DCT: variants seen among roughly 807,000 people sequenced by gnomAD.
DCT encodes L-dopachrome tautomerase.
In DCT, 47 loss-of-function variants were observed where a neutral mutation model predicts 53.0. That is an observed-to-expected ratio of 0.89 (90% CI 0.70 to 1.13). The LOEUF is 1.13. Among genes scored for constraint, DCT ranks in the 50% most tolerant of loss-of-function variants. DCT has a pLI of 0.00. For missense variants in DCT, 669 were observed against 637.4 expected (o/e 1.05, Z -0.53); for synonymous variants, 244 against 237.0 (o/e 1.03, Z -0.27).
chr13:94,535,880 C>T, the DCT span, among the ~76,000 whole-genome samples: 51,719 of 151,938 alleles, frequency 0.34, 9,181 homozygotes, highest in East Asian at 0.61. Flanking sequence ...TTGTAAATGG[C>T]GTAGCCCCTC....
At chr13:94,451,206 A>G (rs1469034995) in intron 6 of DCT, among the ~76,000 whole-genome samples, 1 of 152,190 alleles carries the variant, frequency 6.6e-6, no homozygotes, top group African/African-American at 2.4e-5. Flanking sequence ...CTATTTAAAA[A>G]CTAGTATTGA....
the DCT span, among the ~76,000 whole-genome samples, chr13:94,527,940 G>A: frequency 3.3e-5 from 5 of 152,260 alleles, no homozygotes; most frequent in South Asian, 2.1e-4. Context: ...AGAGAAGACC[G>A]TAAATGACCT....
intron 4 of DCT, among the ~76,000 whole-genome samples, chr13:94,464,968 T>C (rs1358890555): frequency 6.6e-6 from 1 of 152,140 alleles, no homozygotes; most frequent in African/African-American, 2.4e-5. Flanking sequence ...TCACACATGA[T>C]GTTCCTCCAT....
At chr13:94,503,180 C>T in the DCT span, among the ~76,000 whole-genome samples, 1 of 152,008 alleles carries the variant, frequency 6.6e-6, no homozygotes, top group East Asian at 1.9e-4. Flanking sequence ...GAGTTCAACG[C>T]CAGCCTGGGA....
At chr13:94,445,152 G>A (rs1273295215) in intron 6 of DCT, among the ~76,000 whole-genome samples, 2 of 152,202 alleles carry the variant, frequency 1.3e-5, no homozygotes, top group Admixed American at 1.3e-4. Flanking sequence ...TCCAAAGAAG[G>A]CCACACAATG....
the DCT span, among the ~76,000 whole-genome samples, chr13:94,498,534 G>A: frequency 6.6e-6 from 1 of 152,212 alleles, no homozygotes; most frequent in Admixed American, 6.5e-5. Context: ...CAGGAAGAGG[G>A]CCTTCACCAG....
At chr13:94,454,135 C>T (rs1265087418) in intron 6 of DCT, among the ~76,000 whole-genome samples, 1 of 152,132 alleles carries the variant, frequency 6.6e-6, no homozygotes, top group Non-Finnish European at 1.5e-5. Flanking sequence ...AATTAATGAA[C>T]TTATTTTATA....
At chr13:94,531,053 G>A in the DCT span, among the ~76,000 whole-genome samples, 1 of 152,064 alleles carries the variant, frequency 6.6e-6, no homozygotes, top group Non-Finnish European at 1.5e-5. Flanking sequence ...GCTACAAAGA[G>A]AATAAAATAC....
chr13:94,506,459 C>T, the DCT span, among the ~76,000 whole-genome samples: 6 of 151,838 alleles, frequency 4.0e-5, no homozygotes, highest in Non-Finnish European at 8.8e-5. Flanking sequence ...ACAATGTGAA[C>T]AAGAATTTAA....
At chr13:94,495,105 C>CT in the DCT span, among the ~76,000 whole-genome samples, 6 of 151,496 alleles carry the variant, frequency 4.0e-5, no homozygotes, top group South Asian at 2.1e-4. Flanking sequence ...TTTATATTTT[C>CT]TTTTTTTTTA....
chr13:94,526,471 A>G, the DCT span, among the ~76,000 whole-genome samples: 1 of 152,128 alleles, frequency 6.6e-6, no homozygotes, highest in Admixed American at 6.5e-5. Flanking sequence ...CCCTATCTCT[A>G]CAAAACATTT....
intron 4 of DCT, among the ~76,000 whole-genome samples, chr13:94,463,894 G>C (rs1883983163): frequency 6.6e-6 from 1 of 152,204 alleles, no homozygotes; most frequent in African/African-American, 2.4e-5. Context: ...ATTCCAATGG[G>C]ATGTCCGGTG....
Position 94,468,934 on chromosome 13 carries a change from T to C in DCT, c.407A>G (p.Gln136Arg), listed in dbSNP as rs149635974. 4.6e-5 allele frequency: 75 copies of C among 1,614,044 alleles called. No homozygotes were observed. The highest frequency in any genetic ancestry group is 6.0e-5 in the Non-Finnish European group (71 of 1,180,030). Reference protein sequence around the residue: ...IRQNIHSLSPQEREQFLGALD... With the variant: ...IRQNIHSLSPREREQFLGALD... Reference sequence around the variant, plus strand: ...GGCGCCCAAGAACTGCTCTCTTTCCTGAGGACTCAAGGAATGGATGTTCTG... The same window carrying C: ...GGCGCCCAAGAACTGCTCTCTTTCCCGAGGACTCAAGGAATGGATGTTCTG... Residue 136 changes from glutamine (Q) to arginine (R), a missense_variant, in exon 2 of 8, where the codon CAG (glutamine) becomes CGG (arginine). Physicochemically the swap from Gln to Arg is conservative, Grantham distance 43. Coordinates refer to ENST00000377028, the MANE Select transcript of DCT (RefSeq NM_001922.5).
At chr13:94,476,629 C>T (rs1331729515) in intron 1 of DCT, among the ~76,000 whole-genome samples, 2 of 152,004 alleles carry the variant, frequency 1.3e-5, no homozygotes, top group Non-Finnish European at 2.9e-5. Context: ...GTGCCCATCA[C>T]CACACCTCGC....
At chr13:94,517,003 T>C in the DCT span, among the ~76,000 whole-genome samples, 1 of 152,234 alleles carries the variant, frequency 6.6e-6, no homozygotes, top group African/African-American at 2.4e-5. Context: ...AAGAAACAAG[T>C]TTGTACAAAG....
intron 1 of DCT, among the ~76,000 whole-genome samples, chr13:94,469,480 A>G (rs1884480392): frequency 6.6e-6 from 1 of 152,200 alleles, no homozygotes; most frequent in Non-Finnish European, 1.5e-5. Flanking sequence ...GACCACATGA[A>G]GACACAGGGA....
intron 2 of DCT, 29 bp from the exon 3 acceptor site, chr13:94,466,687 T>C: frequency 6.9e-7 from 1 of 1,450,836 alleles, no homozygotes; most frequent in Non-Finnish European, 9.5e-7. Context: ...ATATTAGAGA[T>C]GACAGAATAG....
chr13:94,462,926 A>G (rs1018337358), intron 4 of DCT, among the ~76,000 whole-genome samples: 7 of 152,146 alleles, frequency 4.6e-5, no homozygotes, highest in Non-Finnish European at 1.0e-4. Flanking sequence ...GCAAACGGGG[A>G]GGTCAGAGTA....
chr13:94,480,132 C>T (rs892568028), upstream of DCT, among the ~76,000 whole-genome samples: 3 of 152,196 alleles, frequency 2.0e-5, no homozygotes. Context: ...TGGGAATCCT[C>T]TTCCCTCCAA....
Sources: gnomAD v4.1 joint callset for allele counts (sites outside exome capture counted in the v4.1 genomes callset) on GRCh38, gnomAD v4.1.1 for gene constraint, MANE v1.5 for transcripts, NCBI Gene and HGNC (gene_info 2026-07-23, HGNC 2026-07-21) for gene names.